The following KDM7A variants were observed in gnomAD, a reference collection of about 807,000 sequenced individuals.
The protein encoded by KDM7A is lysine demethylase 7A, also known as lysine-specific demethylase 7A.
Under a neutral mutation model 114.8 loss-of-function variants are expected in KDM7A, and 28 were observed. The observed-to-expected ratio is 0.24, with a 90% CI of 0.18 to 0.33. KDM7A has a LOEUF of 0.33. KDM7A is among the 10% of genes least tolerant of loss of function. The pLI is 1.00. For missense variants in KDM7A, 942 were observed against 1,142.5 expected, an observed-to-expected ratio of 0.82 and a Z score of 2.53; for synonymous variants, 423 against 397.8, an observed-to-expected ratio of 1.06 and a Z score of -0.75.
At chr7:140,144,708 CAT>C (rs963633281) in intron 1 of KDM7A, among the ~76,000 whole-genome samples, 13 of 126,428 alleles carry the variant, frequency 1.0e-4, no homozygotes, top group Non-Finnish European at 1.9e-4. Flanking sequence ...CTGTCCCCAC[CAT>C]ACACACACAC....
chr7:140,135,423 G>C (rs187059086), intron 2 of KDM7A, among the ~76,000 whole-genome samples: 21 of 152,084 alleles, frequency 1.4e-4, no homozygotes, highest in East Asian at 1.4e-3. Flanking sequence ...GGATGGTCTC[G>C]ATCTCCTGAC....
intron 1 of KDM7A, among the ~76,000 whole-genome samples, chr7:140,143,249 T>C (rs886721160): frequency 1.3e-5 from 2 of 149,850 alleles, no homozygotes; most frequent in Non-Finnish European, 3.0e-5. Flanking sequence ...AATTCAAAAC[T>C]AGGGAAAGCC....
At chr7:140,161,101 TA>T (rs1246828212) in intron 1 of KDM7A, among the ~76,000 whole-genome samples, 1 of 152,194 alleles carries the variant, frequency 6.6e-6, no homozygotes, top group Non-Finnish European at 1.5e-5. Flanking sequence ...TTAAATTACG[TA>T]AAAAGACTAT....
chr7:140,170,087 A>G (rs1455170972), intron 1 of KDM7A, among the ~76,000 whole-genome samples: 3 of 152,194 alleles, frequency 2.0e-5, no homozygotes, highest in Non-Finnish European at 4.4e-5. Flanking sequence ...TATGACACCA[A>G]TCATGAAGGT....
intron 11 of KDM7A, among the ~76,000 whole-genome samples, chr7:140,105,273 C>G (rs551031458): frequency 1.2e-4 from 19 of 152,238 alleles, no homozygotes; most frequent in Admixed American, 9.2e-4. Context: ...AACGGAATAC[C>G]CTTTATTTCT....
In KDM7A at chr7:140,088,558, T is replaced by G. The variant is rs1304756866; in HGVS notation, c.*2536A>C. On this transcript the variant is annotated 3_prime_UTR_variant, in exon 20 of 20. Coordinates refer to ENST00000397560, the MANE Select transcript of KDM7A (RefSeq NM_030647.2). ...AGCAGCTACCACAAAGTTCAGCCAT[T>G]TCCATGAGATAAAGGGATGCATTAT... 3 of 398,132 alleles carry G rather than the reference T, an allele frequency of 7.5e-6. No homozygotes were observed. The highest frequency in any genetic ancestry group is 6.2e-5 in the African/African-American group (3 of 48,604). 24.7% of individuals were successfully genotyped at this position (398,132 alleles called of 1,614,324 possible).
chr7:140,107,286 T>C (rs1818354206), intron 11 of KDM7A, among the ~76,000 whole-genome samples: 1 of 152,230 alleles, frequency 6.6e-6, no homozygotes, highest in Admixed American at 6.5e-5. Context: ...AGGTTAATAT[T>C]GTTATGTGTG....
rs1212144411 is a variant in KDM7A at position 140,087,820 on chromosome 7, A to G, written c.*3274T>C. 1.3e-5 allele frequency: 2 copies of G among 152,230 alleles called. No individual in the cohort carries two copies. Among genetic ancestry groups the G allele is most frequent in the South Asian group, 2.1e-4 (1 of 4,836 alleles). 9.4% of individuals were successfully genotyped at this position (152,230 alleles called of 1,614,324 possible). ...AAATTACTTTCACTTCTACAGTGGC[A>G]TATCTCAGTTGAAACTAAAAAAGTC... On this transcript the variant is annotated 3_prime_UTR_variant, in exon 20 of 20. Transcript: ENST00000397560.
chr7:140,097,465 T>C, intron 15 of KDM7A, 80 bp downstream of exon 15: 1 of 760,958 alleles, frequency 1.3e-6, no homozygotes. Flanking sequence ...AAAGCTGTCA[T>C]TTGCCTTGCT....
chr7:140,092,269 A>T, intron 18 of KDM7A, 192 bp from the exon 19 acceptor site: 1 of 590,710 alleles, frequency 1.7e-6, no homozygotes, highest in Non-Finnish European at 3.0e-6. Context: ...TCGGGTCTTT[A>T]AGTTGCATCG....
chr7:140,172,411 T>C (rs149791284), intron 1 of KDM7A, among the ~76,000 whole-genome samples: 1,586 of 152,064 alleles, frequency 0.01, 22 homozygotes, highest in African/African-American at 0.037. Context: ...CCCAGCACTT[T>C]GGGAGGCTGA....
intron 1 of KDM7A, among the ~76,000 whole-genome samples, chr7:140,158,841 G>A (rs1302785901): frequency 1.3e-5 from 2 of 152,160 alleles, no homozygotes; most frequent in African/African-American, 4.8e-5. Flanking sequence ...TGTTTCAATA[G>A]TGTGTTAACA....
Position 140,119,093 on chromosome 7 carries a change from A to ACAG in KDM7A, c.1246+19_1246+20insCTG. The ACAG allele has an allele frequency of 7.0e-7, 1 of 1,420,154 alleles. No homozygotes were observed. The highest frequency in any genetic ancestry group is 1.2e-5 in the South Asian group (1 of 85,488). 88.0% of individuals were successfully genotyped at this position (1,420,154 alleles called of 1,614,324 possible). A position where few individuals can be genotyped will look rare whatever the true frequency, so the allele number is the denominator to read the frequency against. ...ACAATATGCATCATATCATATACAA[A>ACAG]CATGCAAATTATTAATTACCTTTCA... On this transcript the variant is annotated intron_variant, in intron 9 of 19. Transcript: ENST00000397560.
chr7:140,114,648 G>T (rs1818488286), intron 9 of KDM7A, among the ~76,000 whole-genome samples: 1 of 152,030 alleles, frequency 6.6e-6, no homozygotes, highest in Non-Finnish European at 1.5e-5. Flanking sequence ...GATGTGAGGA[G>T]CCCCTCTGCC....
At position 140,096,912 on chromosome 7, in the gene KDM7A, T is replaced by G; in HGVS notation, c.2152A>C (p.Ile718Leu). ...QKSQKPSRSE[I>L]PIKRECPTST... Reference sequence around the variant, plus strand: ...CAGCAAGCCTACCTTTTAATTGGAATTTCACTTCTAGATGGCTTCTGGCTC... The same window carrying G: ...CAGCAAGCCTACCTTTTAATTGGAAGTTCACTTCTAGATGGCTTCTGGCTC... The change falls in exon 16 of 20, where the codon ATT becomes CTT. Residue 718 changes from isoleucine to leucine, a missense_variant. By Grantham distance (5) the Ile-to-Leu change is conservative. This residue lies in a region of KDM7A where 512 missense variants were observed against 576.6 expected (regional missense o/e 0.89). Transcript: ENST00000397560. The G allele has an allele frequency of 6.2e-7, 1 of 1,613,836 alleles. No homozygotes were observed. Among genetic ancestry groups the G allele is most frequent in the Non-Finnish European group, 8.5e-7 (1 of 1,179,842 alleles).
intron 1 of KDM7A, among the ~76,000 whole-genome samples, chr7:140,165,857 G>T (rs770856487): frequency 6.7e-6 from 1 of 149,892 alleles, no homozygotes; most frequent in African/African-American, 2.5e-5. Flanking sequence ...AAAAAAAACA[G>T]TATGTTGAGT....
Position 140,096,882 on chromosome 7 carries a change from A to G in KDM7A, c.2165+17T>C, listed in dbSNP as rs1818124224. On this transcript the variant is annotated intron_variant, in intron 16 of 19. Coordinates refer to ENST00000397560, the MANE Select transcript of KDM7A (RefSeq NM_030647.2). ...ACCTTACAATATAATAAGACTTACT[A>G]CTATCAGCAAGCCTACCTTTTAATT... 1 of 1,610,944 alleles carries G rather than the reference A, an allele frequency of 6.2e-7. No individual in the cohort carries two copies. Among genetic ancestry groups the G allele is most frequent in the East Asian group, 2.2e-5 (1 of 44,856 alleles).
At chr7:140,175,804 C>T (rs568811306) in intron 1 of KDM7A, among the ~76,000 whole-genome samples, 1 of 121,622 alleles carries the variant, frequency 8.2e-6, no homozygotes, top group East Asian at 2.5e-4. Context: ...GCCCGGCCGA[C>T]TCAAGTTCGC....
intron 11 of KDM7A, among the ~76,000 whole-genome samples, chr7:140,108,739 G>C (rs1456644714): frequency 6.6e-6 from 1 of 152,250 alleles, no homozygotes; most frequent in African/African-American, 2.4e-5. Context: ...TGAGGAGGCA[G>C]TCTGTCCGTT....
Sources: allele counts gnomAD v4.1 joint callset (sites outside exome capture counted in the v4.1 genomes callset), GRCh38; gene constraint gnomAD v4.1.1; regional missense constraint gnomAD v4.1.1; transcripts MANE v1.5; gene names NCBI Gene and HGNC (gene_info 2026-07-23, HGNC 2026-07-21).